CACNA1B: variants seen among roughly 807,000 people sequenced by gnomAD.
CACNA1B encodes voltage-dependent N-type calcium channel subunit alpha-1B.
A neutral mutation model predicts 247.2 loss-of-function variants in CACNA1B; 70 were observed. The ratio of observed to expected loss-of-function variants is 0.28; its 90% CI spans 0.23 to 0.35. The LOEUF is 0.35. CACNA1B is among the 10% of genes least tolerant of loss of function. The pLI is 1.00. For missense variants in CACNA1B, 2,367 were observed against 3,197.4 expected (o/e 0.74, Z 6.26); for synonymous variants, 1,231 against 1,294.4 (o/e 0.95, Z 1.05).
Position 137,912,159 on chromosome 9 carries a change from G to A in CACNA1B, c.531-1021G>A, listed in dbSNP as rs578148666. ...AAAGGCAGTTGTATATATGAGCCTA[G>A]AGCTCCAGGTCTGGATTAAAGATAC... On this transcript the variant is annotated intron_variant, in intron 3 of 46. Transcript: ENST00000371372. 3.9e-5 allele frequency among the ~76,000 whole-genome samples: 6 copies of A among 152,312 alleles called. No homozygotes were observed. The East Asian group carries it at 1.2e-3, about 29-fold the overall frequency.
At chr9:137,980,450 C>T (rs2133376600) in intron 12 of CACNA1B, among the ~76,000 whole-genome samples, 1 of 152,332 alleles carries the variant, frequency 6.6e-6, no homozygotes, top group Middle Eastern at 3.4e-3. Context: ...TTTGGGATCT[C>T]AAATAAAAGT....
At chr9:138,062,017 AT>A (rs1219520547) in intron 31 of CACNA1B, among the ~76,000 whole-genome samples, 1 of 152,190 alleles carries the variant, frequency 6.6e-6, no homozygotes, top group Non-Finnish European at 1.5e-5. Context: ...TGGTCGACTT[AT>A]CCCAGTGCTT....
chr9:137,914,875 G>C lies in CACNA1B; in HGVS notation c.775+69G>C. The C allele has an allele frequency of 6.4e-7, 1 of 1,558,776 alleles. No individual in the cohort carries two copies. Among genetic ancestry groups the C allele is most frequent in the Non-Finnish European group, 8.7e-7 (1 of 1,148,034 alleles). Reference sequence around the variant, plus strand: ...TGCGTTCATCCAGGAGATGGGCACTGTTCTAGGTGCTAGAGGGGCCTTCTT... The same window carrying C: ...TGCGTTCATCCAGGAGATGGGCACTCTTCTAGGTGCTAGAGGGGCCTTCTT... On this transcript the variant is annotated intron_variant, in intron 5 of 46. Transcript: ENST00000371372. This position sits in a 1 kb window ranked among gnomAD's most constrained non-coding sequence, Gnocchi z 4.3.
intron 36 of CACNA1B, among the ~76,000 whole-genome samples, chr9:138,084,282 C>T (rs1960623103): frequency 6.6e-6 from 1 of 151,226 alleles, no homozygotes; most frequent in Non-Finnish European, 1.5e-5. Context: ...CACCTGGAAC[C>T]CAGTGGTGCT....
intron 6 of CACNA1B, among the ~76,000 whole-genome samples, chr9:137,940,281 A>G (rs1031836382): frequency 1.3e-5 from 2 of 152,234 alleles, no homozygotes; most frequent in African/African-American, 4.8e-5. Flanking sequence ...TTTCAAGGCT[A>G]CTGTGAACAC....
intron 10 of CACNA1B, among the ~76,000 whole-genome samples, chr9:137,967,860 C>G (rs1480832767): frequency 6.6e-6 from 1 of 152,192 alleles, no homozygotes. Flanking sequence ...TTTTCTTGAT[C>G]TCCTGCATCT....
intron 20 of CACNA1B, among the ~76,000 whole-genome samples, chr9:138,040,213 C>T (rs904332878): frequency 6.6e-6 from 1 of 152,080 alleles, no homozygotes; most frequent in African/African-American, 2.4e-5. Context: ...GCTGGGATTA[C>T]GGTTGTGAGC....
intron 15 of CACNA1B, among the ~76,000 whole-genome samples, chr9:138,001,250 A>C (rs937431387): frequency 6.6e-5 from 10 of 152,246 alleles, no homozygotes; most frequent in Non-Finnish European, 1.2e-4. Flanking sequence ...ATGATAAAAA[A>C]AAGTCATACT....
At chr9:137,987,705 G>A (rs999353316) in intron 15 of CACNA1B, among the ~76,000 whole-genome samples, 2 of 152,256 alleles carry the variant, frequency 1.3e-5, no homozygotes, top group Admixed American at 6.5e-5. Context: ...CCACTCTCTC[G>A]AAGGGAGGAA....
At chr9:138,096,450 C>A in intron 36 of CACNA1B, 34 bp from the exon 37 acceptor site, 24 of 1,605,428 alleles carry the variant, frequency 1.5e-5, no homozygotes, top group Non-Finnish European at 2.0e-5. Flanking sequence ...GCTGAGGTCT[C>A]TCTCCGTCAC....
At chr9:138,045,441 C>T (rs1204205512) in intron 21 of CACNA1B, among the ~76,000 whole-genome samples, 1 of 151,914 alleles carries the variant, frequency 6.6e-6, no homozygotes, top group Non-Finnish European at 1.5e-5. Flanking sequence ...AAGTCAGGTG[C>T]GTATGGAGGA....
intron 20 of CACNA1B, among the ~76,000 whole-genome samples, chr9:138,033,341 G>A (rs1476630069): frequency 6.6e-6 from 1 of 151,900 alleles, no homozygotes; most frequent in African/African-American, 2.4e-5. Context: ...TTTTTATAAT[G>A]GGTGTTTTTA....
intron 10 of CACNA1B, among the ~76,000 whole-genome samples, chr9:137,968,337 G>A (rs895533362): frequency 6.6e-5 from 10 of 152,180 alleles, no homozygotes; most frequent in African/African-American, 2.2e-4. Flanking sequence ...CCCATAACCC[G>A]TGTCACCCTG....
At chr9:137,962,537 C>T (rs1958032135) in intron 10 of CACNA1B, among the ~76,000 whole-genome samples, 1 of 151,888 alleles carries the variant, frequency 6.6e-6, no homozygotes, top group Non-Finnish European at 1.5e-5. Context: ...TATAAATTTC[C>T]CTCTTAACAC....
chr9:138,078,316 G>T, intron 36 of CACNA1B, 58 bp downstream of exon 36: 10 of 1,547,970 alleles, frequency 6.5e-6, no homozygotes, highest in Non-Finnish European at 8.9e-6. Flanking sequence ...TACAGCTCAG[G>T]CTTCTCCCAC....
chr9:137,989,287 TG>T (rs1958403676), intron 15 of CACNA1B, among the ~76,000 whole-genome samples: 1 of 151,882 alleles, frequency 6.6e-6, no homozygotes, highest in Non-Finnish European at 1.5e-5. Context: ...AGAAGCAGAG[TG>T]AACCGTACGC....
intron 10 of CACNA1B, among the ~76,000 whole-genome samples, chr9:137,960,195 T>A (rs1187160557): frequency 0.03 from 156 of 5,280 alleles, no homozygotes; most frequent in African/African-American, 0.033. Context: ...TTGGCCTGAG[T>A]GAGGGGGAGG....
chr9:137,907,698 G>A (rs958571008), intron 3 of CACNA1B, among the ~76,000 whole-genome samples: 9 of 152,056 alleles, frequency 5.9e-5, no homozygotes, highest in African/African-American at 2.2e-4. Flanking sequence ...TCTTTATGCT[G>A]TCTTTTATGG....
In CACNA1B at chr9:137,881,534, C is replaced by G. The variant is rs888966042; in HGVS notation, c.391-1210C>G. ...TGAAGACGAACCCTCAGGGGAGGCC[C>G]TTGAAGCTGGTCTCCTCTCCCCACC... On this transcript the variant is annotated intron_variant, in intron 2 of 46. Transcript: ENST00000371372. The surrounding 1 kb of genome is among the most constrained non-coding windows in gnomAD (Gnocchi z 4.3). Among the ~76,000 whole-genome samples, 1 of 152,156 alleles carries G rather than the reference C, an allele frequency of 6.6e-6. No individual in the cohort carries two copies. Among genetic ancestry groups the G allele is most frequent in the Non-Finnish European group, 1.5e-5 (1 of 68,020 alleles).
Sources: allele counts gnomAD v4.1 joint callset (sites outside exome capture counted in the v4.1 genomes callset), GRCh38; gene constraint gnomAD v4.1.1; non-coding constraint Gnocchi (gnomAD v3.1); transcripts MANE v1.5; gene names NCBI Gene and HGNC (gene_info 2026-07-23, HGNC 2026-07-21).